The following BICC1 variants were observed in gnomAD, a reference collection of about 807,000 sequenced individuals.
The protein encoded by BICC1 is BicC family RNA binding protein 1.
Under a neutral mutation model 111.0 loss-of-function variants are expected in BICC1, and 43 were observed. That is an observed-to-expected ratio of 0.39 (90% confidence interval 0.30 to 0.50). The LOEUF (loss-of-function observed/expected upper bound fraction) is 0.50. Among genes scored for constraint, BICC1 ranks in the 20% least tolerant of loss-of-function variants. The pLI, the probability that BICC1 is intolerant of heterozygous loss-of-function variation, is 0.88. For synonymous variants in BICC1, 467 were observed against 434.4 expected (o/e 1.07, Z -0.93); for missense variants, 1,091 against 1,203.2 (o/e 0.91, Z 1.38).
At chr10:58,809,026 T>TA (rs1295974405) in intron 17 of BICC1, among the ~76,000 whole-genome samples, 1 of 151,774 alleles carries the variant, frequency 6.6e-6, no homozygotes, top group African/African-American at 2.4e-5. Flanking sequence ...AGTGATATTT[T>TA]AAAAAATTTT....
intron 1 of BICC1, among the ~76,000 whole-genome samples, chr10:58,535,189 C>A (rs573459000): frequency 7.1e-4 from 107 of 151,720 alleles, no homozygotes; most frequent in African/African-American, 2.6e-3. Flanking sequence ...GAAAACTTCC[C>A]TGTCCTTGCT....
rs1469364804 is a variant in BICC1, at chr10:58,829,415, C to T, written c.*524C>T. 2 of 151,938 alleles carry T rather than the reference C, an allele frequency of 1.3e-5. No individual in the cohort carries two copies. Among genetic ancestry groups the T allele is most frequent in the Admixed American group, 6.6e-5 (1 of 15,244 alleles). The allele number at this position is 151,938 out of a possible 1,614,324, so 9.4% of individuals were successfully genotyped here. A position where few individuals can be genotyped will look rare whatever the true frequency, so the allele number is the denominator to read the frequency against. Reference sequence around the variant, plus strand: ...TAATTTCTTGTCCTATGGAAGTTCTCGCTGTCTCCATCTCTCTCATTTTTG... The same window carrying T: ...TAATTTCTTGTCCTATGGAAGTTCTTGCTGTCTCCATCTCTCTCATTTTTG... On this transcript the variant is annotated 3_prime_UTR_variant, in exon 21 of 21. Transcript: ENST00000373886.
chr10:58,539,406 AGGT>A (rs1842902884), intron 1 of BICC1, among the ~76,000 whole-genome samples: 1 of 151,510 alleles, frequency 6.6e-6, no homozygotes, highest in African/African-American at 2.4e-5. Context: ...AGCAGGAGAG[AGGT>A]GAGAGATGAA....
chr10:58,811,675 C>T (rs4948317), intron 17 of BICC1, among the ~76,000 whole-genome samples: 81,955 of 152,044 alleles, frequency 0.54, 26,385 homozygotes, highest in East Asian at 0.72. Flanking sequence ...TCAGATGGAG[C>T]TTTCTTGTGG....
intron 3 of BICC1, among the ~76,000 whole-genome samples, chr10:58,772,884 T>C (rs1474174756): frequency 1.3e-5 from 2 of 152,196 alleles, no homozygotes; most frequent in Non-Finnish European, 2.9e-5. Flanking sequence ...TAAATGCCTT[T>C]AGAGGTAAAA....
intron 2 of BICC1, among the ~76,000 whole-genome samples, chr10:58,699,754 G>A (rs1840174105): frequency 6.6e-6 from 1 of 151,772 alleles, no homozygotes; most frequent in Admixed American, 6.6e-5. Flanking sequence ...GAATGTGGTA[G>A]CATGATCATT....
At chr10:58,638,172 G>A (rs1329964656) in intron 2 of BICC1, among the ~76,000 whole-genome samples, 1 of 152,066 alleles carries the variant, frequency 6.6e-6, no homozygotes, top group Non-Finnish European at 1.5e-5. Flanking sequence ...GAGCAGGGCT[G>A]GAAATAGTGA....
chr10:58,695,413 A>C (rs890249545), intron 2 of BICC1, among the ~76,000 whole-genome samples: 13 of 152,200 alleles, frequency 8.5e-5, no homozygotes, highest in Admixed American at 7.2e-4. Flanking sequence ...TAATATAAGG[A>C]AAATAGAGCA....
chr10:58,610,478 A>T (rs180896953), intron 1 of BICC1, among the ~76,000 whole-genome samples: 142 of 152,242 alleles, frequency 9.3e-4, no homozygotes, highest in Non-Finnish European at 1.7e-3. Context: ...CTCCATCATA[A>T]TCTTTCTAAT....
intron 1 of BICC1, among the ~76,000 whole-genome samples, chr10:58,588,894 C>T (rs552414864): frequency 4.1e-4 from 62 of 152,194 alleles, no homozygotes; most frequent in Non-Finnish European, 8.5e-4. Flanking sequence ...AGGATGGCTA[C>T]TGCAAGCACC....
chr10:58,657,124 A>C (rs532018120), intron 2 of BICC1, among the ~76,000 whole-genome samples: 1 of 152,080 alleles, frequency 6.6e-6, no homozygotes. Context: ...CATTCCATCT[A>C]CCTGAATGCT....
intron 1 of BICC1, among the ~76,000 whole-genome samples, chr10:58,534,026 C>G (rs1198788154): frequency 1.3e-5 from 2 of 151,628 alleles, no homozygotes; most frequent in East Asian, 3.9e-4. Flanking sequence ...ATGCTGTCTA[C>G]AAGACACTTT....
At chr10:58,526,886 A>T (rs1485421021) in intron 1 of BICC1, among the ~76,000 whole-genome samples, 2 of 152,218 alleles carry the variant, frequency 1.3e-5, no homozygotes, top group Non-Finnish European at 2.9e-5. Context: ...CACAATAAAC[A>T]TACATGTGCA....
chr10:58,564,472 A>C (rs926510736), intron 1 of BICC1, among the ~76,000 whole-genome samples: 11 of 152,238 alleles, frequency 7.2e-5, no homozygotes, highest in Non-Finnish European at 1.2e-4. Context: ...ATTCAGTGAG[A>C]TCACTGTAAG....
intron 3 of BICC1, among the ~76,000 whole-genome samples, chr10:58,706,772 T>A (rs4948541): frequency 0.96 from 145,727 of 152,276 alleles, 70,107 homozygotes; most frequent in Middle Eastern, 1. Context: ...TCTGCCATGA[T>A]TGTAAGTTTC....
At chr10:58,696,680 T>C (rs2132430841) in intron 2 of BICC1, among the ~76,000 whole-genome samples, 1 of 152,344 alleles carries the variant, frequency 6.6e-6, no homozygotes, top group Non-Finnish European at 1.5e-5. Context: ...AAGAGATTTC[T>C]TTTGTCAATG....
At position 58,596,198 on chromosome 10, in the gene BICC1, C is replaced by T. The variant is rs571061086; in HGVS notation, c.191-24657C>T. ...CCCTGAATAAACCAATAATAAGTTC[C>T]GCTCAACTTGTTTGAGGGATCAAGT... On this transcript the variant is annotated intron_variant, in intron 1 of 20. Coordinates refer to ENST00000373886, the MANE Select transcript of BICC1 (RefSeq NM_001080512.3). Among the ~76,000 whole-genome samples the T allele has an allele frequency of 2.2e-4, 33 of 151,612 alleles. 1 individual carries two copies. In the South Asian group the frequency reaches 5.6e-3, roughly 26 times the overall value.
In BICC1 at chr10:58,816,745, CTGTGTGTGTGTGTGTGTG is replaced by C. The variant is rs56310772; in HGVS notation, c.2534-784_2534-767del. 4.4e-4 allele frequency among the ~76,000 whole-genome samples: 54 copies of C among 122,160 alleles called. 1 individual carries two copies. The South Asian group carries it at 6.3e-3, about 14-fold the overall frequency. The allele number at this position is 122,160 out of a possible 152,430, so 80.1% of individuals were successfully genotyped here. On this transcript the variant is annotated intron_variant, in intron 18 of 20. Coordinates refer to ENST00000373886, the MANE Select transcript of BICC1 (RefSeq NM_001080512.3). ...CTGCACTCTGCTGAAATCTCCAAGG[CTGTGTGTGTGTGTGTGTG>C]TGTGTGTGTGTGTGTGTGTGTGTGT...
intron 17 of BICC1, among the ~76,000 whole-genome samples, chr10:58,813,216 A>G (rs1357714781): frequency 1.3e-5 from 2 of 152,224 alleles, no homozygotes; most frequent in Non-Finnish European, 2.9e-5. Flanking sequence ...TTAAATAAAT[A>G]CAAAGATGAA....
Sources: allele counts gnomAD v4.1 joint callset (sites outside exome capture counted in the v4.1 genomes callset), GRCh38; gene constraint gnomAD v4.1.1; transcripts MANE v1.5; gene names NCBI Gene and HGNC (gene_info 2026-07-23, HGNC 2026-07-21).